The following NEK11 variants were observed in gnomAD, a reference collection of about 807,000 sequenced individuals.
NEK11 encodes NIMA related kinase 11, also known as serine/threonine-protein kinase Nek11.
NEK11 carries 72 observed loss-of-function variants against 80.7 expected under a neutral mutation model. The observed-to-expected ratio is 0.89, with a 90% CI of 0.74 to 1.08. NEK11 has a LOEUF of 1.08. Ranked by LOEUF, NEK11 falls within the 50% of genes least tolerant of loss-of-function variation. NEK11 has a pLI of 0.00. For missense variants in NEK11, 764 were observed against 763.6 expected (o/e 1.00, Z -0.01); for synonymous variants, 251 against 260.7 (o/e 0.96, Z 0.36).
chr3:131,336,185 A>C (rs1251071093), intron 17 of NEK11, among the ~76,000 whole-genome samples: 3 of 152,212 alleles, frequency 2.0e-5, no homozygotes, highest in Admixed American at 6.5e-5. Context: ...AAAAGAACAA[A>C]GCTGGAGGCA....
At chr3:131,130,531 CG>C (rs2084239559) in intron 5 of NEK11, among the ~76,000 whole-genome samples, 1 of 152,026 alleles carries the variant, frequency 6.6e-6, no homozygotes, top group East Asian at 1.9e-4. Flanking sequence ...AGCAGAAAAA[CG>C]TCAGGGTTCT....
At chr3:131,097,206 T>C (rs1167062755) in intron 4 of NEK11, among the ~76,000 whole-genome samples, 2 of 152,036 alleles carry the variant, frequency 1.3e-5, no homozygotes, top group Non-Finnish European at 2.9e-5. Context: ...CGTGTGCATG[T>C]GTCTTTATAG....
chr3:131,133,258 G>A (rs758124427), intron 6 of NEK11: 106 of 455,476 alleles, frequency 2.3e-4, no homozygotes, highest in Non-Finnish European at 4.0e-4. Flanking sequence ...CTTCAGAACT[G>A]TACCTCTCCT....
At chr3:131,213,432 A>T (rs529611841) in intron 14 of NEK11, among the ~76,000 whole-genome samples, 8 of 152,348 alleles carry the variant, frequency 5.3e-5, no homozygotes, top group African/African-American at 1.9e-4. Flanking sequence ...CATTTGGCTT[A>T]CAAGGTGTTC....
chr3:131,117,744 G>C (rs1021678303), intron 5 of NEK11, among the ~76,000 whole-genome samples: 2 of 152,164 alleles, frequency 1.3e-5, no homozygotes, highest in East Asian at 3.8e-4. Flanking sequence ...AAGCAATTGT[G>C]AATGGGAATT....
At chr3:131,053,245 CAT>C (rs757953683) in intron 3 of NEK11, 3 of 152,208 alleles carry the variant, frequency 2.0e-5, no homozygotes, top group Non-Finnish European at 4.4e-5. Flanking sequence ...ACTATTAAGA[CAT>C]GTCAACATTT....
At chr3:131,330,313 T>A (rs2097055305) in intron 17 of NEK11, 1 of 152,184 alleles carries the variant, frequency 6.6e-6, no homozygotes, top group African/African-American at 2.4e-5. Flanking sequence ...ATTCTAAGAT[T>A]ATTACCTACT....
At chr3:131,092,677 G>A (rs763050838) in intron 4 of NEK11, 3 of 152,178 alleles carry the variant, frequency 2.0e-5, no homozygotes, top group Non-Finnish European at 2.9e-5. Flanking sequence ...AATAGAGTCA[G>A]CTATAGTAGC....
intron 15 of NEK11, among the ~76,000 whole-genome samples, chr3:131,235,621 G>A (rs1254188959): frequency 2.0e-5 from 3 of 151,990 alleles, no homozygotes; most frequent in Non-Finnish European, 4.4e-5. Context: ...GTCATCCCTG[G>A]GAAAACACCA....
chr3:131,197,753 C>T (rs1022790124), intron 14 of NEK11, among the ~76,000 whole-genome samples: 2 of 152,146 alleles, frequency 1.3e-5, no homozygotes, highest in African/African-American at 4.8e-5. Flanking sequence ...GTTCCCTATT[C>T]TATTTTTCCT....
rs2095512527 is a variant in NEK11, at chr3:131,241,143, T to A, written c.1561-2293T>A. ...AATATGAAGGCATATATTAGCTCCT[T>A]GTGAAGAAAATATACTTGTTGGGAA... On this transcript the variant is annotated intron_variant, in intron 15 of 17. Transcript: ENST00000383366. Among the ~76,000 whole-genome samples, 6 of 152,216 alleles carry A rather than the reference T, an allele frequency of 3.9e-5. No homozygotes were observed. In the South Asian group the frequency reaches 1.2e-3, roughly 32 times the overall value.
chr3:131,333,509 A>C (rs2097130274), intron 17 of NEK11, among the ~76,000 whole-genome samples: 1 of 152,204 alleles, frequency 6.6e-6, no homozygotes. Flanking sequence ...GCCACTGCAA[A>C]ATCATGCCAA....
chr3:131,185,832 A>G (rs569000617), intron 14 of NEK11, among the ~76,000 whole-genome samples: 2 of 152,294 alleles, frequency 1.3e-5, no homozygotes, highest in East Asian at 3.9e-4. Context: ...AGAAAAATCC[A>G]CTAAACTGAT....
intron 16 of NEK11, among the ~76,000 whole-genome samples, chr3:131,265,465 G>A (rs1276295546): frequency 1.3e-5 from 2 of 152,152 alleles, no homozygotes; most frequent in African/African-American, 4.8e-5. Flanking sequence ...TGTGTCTATT[G>A]AGATAATCAT....
chr3:131,336,609 T>C (rs1248506281), intron 17 of NEK11, among the ~76,000 whole-genome samples: 1 of 152,082 alleles, frequency 6.6e-6, no homozygotes, highest in Non-Finnish European at 1.5e-5. Context: ...AAAGCCAAAA[T>C]TGACAAATGG....
chr3:131,288,419 C>T (rs553876797), intron 17 of NEK11, among the ~76,000 whole-genome samples: 6 of 145,608 alleles, frequency 4.1e-5, no homozygotes, highest in African/African-American at 1.0e-4. Flanking sequence ...CCTCTGTCTT[C>T]GAAGATTATA....
At chr3:131,054,478 G>A (rs529380655) in intron 3 of NEK11, 2 of 152,386 alleles carry the variant, frequency 1.3e-5, no homozygotes, top group East Asian at 3.9e-4. Flanking sequence ...CTGATGGAGG[G>A]GAACTATGGC....
At chr3:131,204,770 T>C (rs753650575) in intron 14 of NEK11, among the ~76,000 whole-genome samples, 6 of 152,136 alleles carry the variant, frequency 3.9e-5, no homozygotes, top group Non-Finnish European at 8.8e-5. Context: ...TGGAAGGACT[T>C]AGCATTGCTG....
intron 5 of NEK11, among the ~76,000 whole-genome samples, chr3:131,116,755 T>C (rs1226611030): frequency 6.6e-6 from 1 of 152,236 alleles, no homozygotes; most frequent in Non-Finnish European, 1.5e-5. Flanking sequence ...CATGTGTCTT[T>C]TGGCTGCATA....
Sources: gnomAD v4.1 joint callset for allele counts (sites outside exome capture counted in the v4.1 genomes callset) on GRCh38, gnomAD v4.1.1 for gene constraint, MANE v1.5 for transcripts, NCBI Gene and HGNC (gene_info 2026-07-23, HGNC 2026-07-21) for gene names.